The following PDE6A variants were observed in gnomAD, a reference collection of about 807,000 sequenced individuals.
PDE6A encodes phosphodiesterase 6A, also known as rod cGMP-specific 3',5'-cyclic phosphodiesterase subunit alpha.
In PDE6A, 84 loss-of-function variants were observed where a neutral mutation model predicts 106.3. The observed-to-expected ratio is 0.79, with a 90% confidence interval of 0.66 to 0.95. PDE6A has a LOEUF of 0.95. Among genes scored for constraint, PDE6A ranks in the 40% least tolerant of loss-of-function variants. The pLI, the probability that PDE6A is intolerant of heterozygous loss-of-function variation, is 0.00. For synonymous variants in PDE6A, 394 were observed against 386.6 expected (o/e 1.02, Z -0.23); for missense variants, 1,052 against 1,084.9 (o/e 0.97, Z 0.43).
chr5:149,932,259 C>T, intron 3 of PDE6A: 3 of 1,419,456 alleles, frequency 2.1e-6, no homozygotes, highest in African/African-American at 1.4e-5. Context: ...TCCATTTTGG[C>T]GAACAGCAGT....
rs2088723982 is a variant in PDE6A at position 149,863,534 on chromosome 5, C to T, written c.2359-268G>A. ...AACTCCATGACCCAGTGTCCTCCTG[C>T]CCTTGACCATCTTGCATTCTCCAAG... On this transcript the variant is annotated intron_variant, in intron 20 of 21. Coordinates refer to ENST00000255266, the MANE Select transcript of PDE6A (RefSeq NM_000440.3). This position sits in a 1 kb window ranked among gnomAD's most constrained non-coding sequence, Gnocchi z 4.7. Among the ~76,000 whole-genome samples, 1 of 152,226 alleles carries T rather than the reference C, an allele frequency of 6.6e-6. No homozygotes were observed.
chr5:149,931,970 C>T (rs1754047699), intron 3 of PDE6A: 1 of 1,254,582 alleles, frequency 8.0e-7, no homozygotes, highest in Admixed American at 1.8e-5. Context: ...TTTATATTTC[C>T]AGCTGTTGAG....
intron 3 of PDE6A, 32 bp downstream of exon 3, chr5:149,933,898 T>C (rs750475665): frequency 6.7e-7 from 1 of 1,500,018 alleles, no homozygotes. Context: ...AAAGGACGAG[T>C]CAAGTCCATT....
intron 5 of PDE6A, among the ~76,000 whole-genome samples, chr5:149,916,952 G>A (rs976709371): frequency 1.3e-5 from 2 of 152,036 alleles, no homozygotes; most frequent in Admixed American, 6.6e-5. Flanking sequence ...TACTATTCCA[G>A]GAGAAGATAA....
At chr5:149,917,498 AG>A (rs1385483088) in intron 5 of PDE6A, among the ~76,000 whole-genome samples, 4 of 152,248 alleles carry the variant, frequency 2.6e-5, no homozygotes, top group South Asian at 4.2e-4. Context: ...CCAACTCATA[AG>A]GGAGAGGCTC....
intron 3 of PDE6A, among the ~76,000 whole-genome samples, chr5:149,931,789 A>G (rs1267443042): frequency 1.3e-5 from 2 of 152,226 alleles, no homozygotes; most frequent in Non-Finnish European, 2.9e-5. Flanking sequence ...CCGATGAGGC[A>G]AAAGATGAAT....
At chr5:149,868,389 T>C (rs944555585) in intron 17 of PDE6A, among the ~76,000 whole-genome samples, 3 of 152,250 alleles carry the variant, frequency 2.0e-5, no homozygotes, top group Non-Finnish European at 4.4e-5. Context: ...CACCAACCTC[T>C]CTGAGCCTCC....
chr5:149,900,759 GT>G lies in PDE6A; in HGVS notation c.1114-1236del, dbSNP rs751569943. Among the ~76,000 whole-genome samples, 121 of 152,170 alleles carry G rather than the reference GT, an allele frequency of 8.0e-4. 1 individual carries two copies. Among genetic ancestry groups the G allele is most frequent in the Admixed American group, 1.8e-3 (27 of 15,274 alleles). ...GCAGAATACTGCCTGAAGAGCACAGGTTTGTATTGAACTCAGACCTGGCTGC... is the reference window on the plus strand; with the variant it reads ...GCAGAATACTGCCTGAAGAGCACAGGTTGTATTGAACTCAGACCTGGCTGC... On this transcript the variant is annotated intron_variant, in intron 8 of 21. Coordinates refer to ENST00000255266, the MANE Select transcript of PDE6A (RefSeq NM_000440.3).
rs1752303268 is a variant in PDE6A at position 149,886,340 on chromosome 5, T to C, written c.1763A>G (p.Glu588Gly). Residue 588 changes from glutamate to glycine, a missense_variant, in exon 14 of 22, where the codon GAG becomes GGG. Glu to Gly is a moderately conservative substitution (Grantham distance 98). Coordinates refer to ENST00000255266, the MANE Select transcript of PDE6A (RefSeq NM_000440.3). Reference sequence around the variant, plus strand: ...AGCAGCAGTGACCATGGCCAAGGCCTCTAGGTCCGTGAAGTAGCGCTTCAG... The same window carrying C: ...AGCAGCAGTGACCATGGCCAAGGCCCCTAGGTCCGTGAAGTAGCGCTTCAG... Reference protein sequence around the residue: ...GKLKRYFTDLEALAMVTAAFC... With the variant: ...GKLKRYFTDLGALAMVTAAFC... The C allele has an allele frequency of 6.2e-6, 10 of 1,614,060 alleles. No individual in the cohort carries two copies. The highest frequency in any genetic ancestry group is 8.5e-6 in the Non-Finnish European group (10 of 1,180,022).
intron 17 of PDE6A, among the ~76,000 whole-genome samples, chr5:149,868,626 G>A (rs1760422189): frequency 6.6e-6 from 1 of 152,128 alleles, no homozygotes; most frequent in Non-Finnish European, 1.5e-5. Flanking sequence ...TTCTACTGTA[G>A]AGAAGTGTTT....
At chr5:149,871,287 C>T (rs1032742458) in intron 17 of PDE6A, among the ~76,000 whole-genome samples, 1 of 152,188 alleles carries the variant, frequency 6.6e-6, no homozygotes, top group East Asian at 1.9e-4. Context: ...GGTCCATGCT[C>T]TCAGAGATCT....
At chr5:149,896,881 C>A in intron 10 of PDE6A, 105 bp from the exon 11 acceptor site, 3 of 1,254,924 alleles carry the variant, frequency 2.4e-6, no homozygotes, top group Non-Finnish European at 3.5e-6. Context: ...AACAGAACCA[C>A]CAGCTCAAAG....
chr5:149,935,017 A>G (rs1226001869), intron 1 of PDE6A, among the ~76,000 whole-genome samples: 1 of 152,174 alleles, frequency 6.6e-6, no homozygotes, highest in Non-Finnish European at 1.5e-5. Context: ...GGCTTTCTTG[A>G]GGTGATGACA....
At chr5:149,911,808 C>T (rs1753395555) in intron 6 of PDE6A, among the ~76,000 whole-genome samples, 2 of 142,342 alleles carry the variant, frequency 1.4e-5, no homozygotes, top group African/African-American at 5.3e-5. Context: ...AAGAAGCCAG[C>T]CTGGGCAACA....
chr5:149,941,493 G>A (rs1197627021), intron 1 of PDE6A, among the ~76,000 whole-genome samples: 1 of 152,238 alleles, frequency 6.6e-6, no homozygotes, highest in Non-Finnish European at 1.5e-5. Flanking sequence ...TCAGGGAACA[G>A]TGGATCCTGG....
intron 8 of PDE6A, among the ~76,000 whole-genome samples, chr5:149,903,207 G>C (rs182664552): frequency 6.8e-6 from 1 of 147,076 alleles, no homozygotes; most frequent in Admixed American, 6.8e-5. Flanking sequence ...ACCTGGCAAA[G>C]TGGCATTTTG....
intron 17 of PDE6A, among the ~76,000 whole-genome samples, chr5:149,877,707 C>A (rs1446962304): frequency 6.6e-6 from 1 of 152,200 alleles, no homozygotes; most frequent in East Asian, 1.9e-4. Flanking sequence ...CCGGGCCCAG[C>A]CCCTTCCTTA....
Position 149,895,289 on chromosome 5 carries a change from G to T in PDE6A, c.1622C>A (p.Ala541Asp). ...VVDKFHIPQE[A>D]LVRFMYSLSK... ...CAGGGAGTACATGAACCGCACCAGG[G>T]CCTGTGAACACATGCACATCAGTGA... The change falls in exon 13 of 22, where the codon GCC (alanine) becomes GAC (aspartate). Residue 541 changes from alanine (A) to aspartate (D), a missense_variant and splice_region_variant. This residue lies in a region of PDE6A where 913 missense variants were observed against 915.2 expected (regional missense o/e 1.00). Coordinates refer to ENST00000255266, the MANE Select transcript of PDE6A (RefSeq NM_000440.3). 6.2e-7 allele frequency: 1 copy of T among 1,604,876 alleles called. No homozygotes were observed.
chr5:149,931,916 A>G (rs948317452), intron 3 of PDE6A: 33 of 807,088 alleles, frequency 4.1e-5, no homozygotes, highest in Non-Finnish European at 6.7e-5. Context: ...GGACTATAAA[A>G]TGGCGTACAA....
Sources: allele counts gnomAD v4.1 joint callset (sites outside exome capture counted in the v4.1 genomes callset), GRCh38; gene constraint gnomAD v4.1.1; regional missense constraint gnomAD v4.1.1; non-coding constraint Gnocchi (gnomAD v3.1); transcripts MANE v1.5; gene names NCBI Gene and HGNC (gene_info 2026-07-23, HGNC 2026-07-21).